The following ADAMTS9 variants were observed in gnomAD, a reference collection of about 807,000 sequenced individuals.
ADAMTS9 encodes the protein ADAM metallopeptidase with thrombospondin type 1 motif 9.
A neutral mutation model predicts 257.1 loss-of-function variants in ADAMTS9; 107 were observed. That is an observed-to-expected ratio of 0.42 (90% CI 0.36 to 0.49). The LOEUF is 0.49. Ranked by LOEUF, ADAMTS9 falls within the 20% of genes least tolerant of loss-of-function variation. The pLI is 0.03. For synonymous variants in ADAMTS9, 982 were observed against 880.9 expected, an observed-to-expected ratio of 1.11 and a Z score of -2.03; for missense variants, 2,353 against 2,469.1, an observed-to-expected ratio of 0.95 and a Z score of 1.00.
At chr3:64,600,246 C>CATGCA (rs1473854497) in intron 26 of ADAMTS9, among the ~76,000 whole-genome samples, 2 of 152,070 alleles carry the variant, frequency 1.3e-5, no homozygotes, top group African/African-American at 2.4e-5. Flanking sequence ...GTTTGTGTAC[C>CATGCA]ATGCAATGCA....
chr3:64,624,229 CAA>C (rs546176201), intron 16 of ADAMTS9, among the ~76,000 whole-genome samples: 68 of 131,894 alleles, frequency 5.2e-4, no homozygotes, highest in South Asian at 9.6e-4. Flanking sequence ...TTGAAATAAA[CAA>C]AGAGAGTGGG....
chr3:64,598,971 C>G (rs1159810678), intron 26 of ADAMTS9, among the ~76,000 whole-genome samples: 2 of 152,136 alleles, frequency 1.3e-5, no homozygotes, highest in Non-Finnish European at 2.9e-5. Flanking sequence ...GCTCTAGAAA[C>G]TCCATGGTAT....
chr3:64,570,111 G>A (rs930095454), intron 28 of ADAMTS9, among the ~76,000 whole-genome samples: 1 of 151,990 alleles, frequency 6.6e-6, no homozygotes, highest in Non-Finnish European at 1.5e-5. Flanking sequence ...AATAATATAA[G>A]GGTTCAATTA....
chr3:64,604,798 G>T (rs988653130), intron 23 of ADAMTS9, among the ~76,000 whole-genome samples: 1 of 152,194 alleles, frequency 6.6e-6, no homozygotes, highest in African/African-American at 2.4e-5. Context: ...ATCCCAGAAT[G>T]TCAAATGTAG....
chr3:64,649,303 A>G (rs1700873374), intron 10 of ADAMTS9, among the ~76,000 whole-genome samples: 1 of 152,164 alleles, frequency 6.6e-6, no homozygotes. Flanking sequence ...ATTAAAGGCA[A>G]CAAGGAGAGA....
intron 12 of ADAMTS9, among the ~76,000 whole-genome samples, chr3:64,638,753 C>T (rs1338380565): frequency 6.6e-6 from 1 of 151,988 alleles, no homozygotes; most frequent in East Asian, 1.9e-4. Flanking sequence ...ATGTACACGG[C>T]AAGGCTACTT....
intron 28 of ADAMTS9, among the ~76,000 whole-genome samples, chr3:64,579,035 AC>A (rs2083927046): frequency 6.6e-6 from 1 of 152,142 alleles, no homozygotes; most frequent in African/African-American, 2.4e-5. Context: ...GCCTCCACCC[AC>A]GTTTTCACTG....
intron 3 of ADAMTS9, among the ~76,000 whole-genome samples, chr3:64,659,091 G>A (rs1438596207): frequency 6.6e-6 from 1 of 152,160 alleles, no homozygotes; most frequent in African/African-American, 2.4e-5. Context: ...AGCTTTGCTG[G>A]GATTGATTCA....
At position 64,607,318 on chromosome 3, in the gene ADAMTS9, C is replaced by T. The variant is rs9810401; in HGVS notation, c.3355-239G>A. Among the ~76,000 whole-genome samples, 654 of 152,260 alleles carry T rather than the reference C, an allele frequency of 4.3e-3. 5 individuals carry two copies. Among genetic ancestry groups the T allele is most frequent in the South Asian group, 0.019 (90 of 4,816 alleles). ...TGAAATGATATTTATAGGGGTTCAA[C>T]TCATTAACTGTGAACTCCTAGAAGG... On this transcript the variant is annotated intron_variant, in intron 22 of 39. Transcript: ENST00000498707.
intron 21 of ADAMTS9, chr3:64,614,972 G>C (rs2084734275): frequency 5.6e-6 from 1 of 178,226 alleles, no homozygotes; most frequent in Admixed American, 6.2e-5. Flanking sequence ...CTTCAGATGT[G>C]AGCTAGTATA....
intron 28 of ADAMTS9, chr3:64,589,239 T>C (rs1018919665): frequency 7.2e-5 from 11 of 152,284 alleles, no homozygotes; most frequent in Middle Eastern, 3.4e-3. Context: ...AATTTACCAA[T>C]AACAGGAATG....
intron 27 of ADAMTS9, among the ~76,000 whole-genome samples, chr3:64,594,818 G>T (rs1277934658): frequency 6.6e-6 from 1 of 151,978 alleles, no homozygotes; most frequent in East Asian, 1.9e-4. Flanking sequence ...ACGGAGTCTT[G>T]CTCTGTCATC....
At chr3:64,567,498 C>T (rs2083573601) in intron 29 of ADAMTS9, among the ~76,000 whole-genome samples, 1 of 151,966 alleles carries the variant, frequency 6.6e-6, no homozygotes, top group Non-Finnish European at 1.5e-5. Context: ...AGAAAATGTG[C>T]AAGTGTGGAG....
chr3:64,687,042 G>T lies in ADAMTS9; in HGVS notation c.116-74C>A, dbSNP rs747027390. ...AGCTTTAATTTAAAACGAAGGTGGG[G>T]ACTTTGTTCTGACCTTATTTTCCAG... On this transcript the variant is annotated intron_variant, in intron 1 of 39. Coordinates refer to ENST00000498707, the MANE Select transcript of ADAMTS9 (RefSeq NM_182920.2). This position sits in a 1 kb window ranked among gnomAD's most constrained non-coding sequence, Gnocchi z 4.4. 16 of 1,513,378 alleles carry T rather than the reference G, an allele frequency of 1.1e-5. No individual in the cohort carries two copies. The highest frequency in any genetic ancestry group is 1.4e-5 in the Non-Finnish European group (16 of 1,120,824). 93.7% of individuals were successfully genotyped at this position (1,513,378 alleles called of 1,614,324 possible). A position where few individuals can be genotyped will look rare whatever the true frequency, so the allele number is the denominator to read the frequency against.
intron 30 of ADAMTS9, among the ~76,000 whole-genome samples, chr3:64,558,657 T>A (rs767424752): frequency 1.3e-5 from 2 of 152,168 alleles, no homozygotes; most frequent in Non-Finnish European, 2.9e-5. Context: ...GATGGTGCCA[T>A]ATCCTACGGA....
intron 21 of ADAMTS9, among the ~76,000 whole-genome samples, chr3:64,614,424 T>C (rs748616274): frequency 3.3e-5 from 5 of 152,208 alleles, no homozygotes; most frequent in Non-Finnish European, 7.3e-5. Context: ...ATTAAGAGTA[T>C]CCTTTTCAGA....
Position 64,570,668 on chromosome 3 carries a change from C to G in ADAMTS9, c.4357-2133G>C, listed in dbSNP as rs564358071. Among the ~76,000 whole-genome samples the G allele has an allele frequency of 2.4e-3, 311 of 130,704 alleles. 1 individual carries two copies. Among genetic ancestry groups the G allele is most frequent in the Admixed American group, 6.8e-3 (73 of 10,706 alleles). 85.7% of individuals were successfully genotyped at this position (130,704 alleles called of 152,430 possible). ...CCAAGACAGCGCCACTGTACTCCAG[C>G]CTGGGCGAAAGAGCAAGACTCCGTC... On this transcript the variant is annotated intron_variant, in intron 28 of 39. Transcript: ENST00000498707.
chr3:64,664,291 T>A (rs1391491811), intron 3 of ADAMTS9, among the ~76,000 whole-genome samples: 1 of 152,160 alleles, frequency 6.6e-6, no homozygotes, highest in Non-Finnish European at 1.5e-5. Context: ...GTAAGATTAT[T>A]TATATACCAT....
chr3:64,561,587 T>A lies in ADAMTS9; in HGVS notation c.4689A>T (p.Glu1563Asp), dbSNP rs1382475929. Reference protein sequence around the residue: ...RCPLYTWRAEEWQECTKTCGE... With the variant: ...RCPLYTWRAEDWQECTKTCGE... ...TTGTGGCTCTACTTACTTCTTGCCATTCCTCTGCCCTCCAAGTGTAGAGGG... is the reference window on the plus strand; with the variant it reads ...TTGTGGCTCTACTTACTTCTTGCCAATCCTCTGCCCTCCAAGTGTAGAGGG... The change falls in exon 30 of 40, where the codon GAA (glutamate) becomes GAT (aspartate). Residue 1563 changes from glutamate to aspartate, a missense_variant. Physicochemically the swap from Glu to Asp is conservative, Grantham distance 45. Coordinates refer to ENST00000498707, the MANE Select transcript of ADAMTS9 (RefSeq NM_182920.2). 1 of 1,613,140 alleles carries A rather than the reference T, an allele frequency of 6.2e-7. No homozygotes were observed. Among genetic ancestry groups the A allele is most frequent in the Non-Finnish European group, 8.5e-7 (1 of 1,179,606 alleles).
Sources: gnomAD v4.1 joint callset for allele counts (sites outside exome capture counted in the v4.1 genomes callset) on GRCh38, gnomAD v4.1.1 for gene constraint, Gnocchi (gnomAD v3.1) non-coding constraint, MANE v1.5 for transcripts, NCBI Gene and HGNC (gene_info 2026-07-23, HGNC 2026-07-21) for gene names.